MIPOL1: variants seen among roughly 807,000 people sequenced by gnomAD.
MIPOL1 encodes mirror-image polydactyly 1.
In MIPOL1, 57 loss-of-function variants were observed where a neutral mutation model predicts 60.9. The ratio of observed to expected loss-of-function variants is 0.94; its 90% CI spans 0.76 to 1.17. The LOEUF is 1.17. MIPOL1 is among the 50% of genes most tolerant of loss of function. The pLI, the probability that MIPOL1 is intolerant of heterozygous loss-of-function variation, is 0.00. For missense variants in MIPOL1, 551 were observed against 511.6 expected, an observed-to-expected ratio of 1.08 and a Z score of -0.74; for synonymous variants, 179 against 168.8, an observed-to-expected ratio of 1.06 and a Z score of -0.47.
chr14:37,446,442 G>C (rs1357993409), intron 11 of MIPOL1, among the ~76,000 whole-genome samples: 1 of 152,140 alleles, frequency 6.6e-6, no homozygotes, highest in African/African-American at 2.4e-5. Flanking sequence ...TGGAGAGGAT[G>C]TGGAGAAATA....
chr14:37,431,442 A>T (rs906963827), intron 11 of MIPOL1, among the ~76,000 whole-genome samples: 1 of 151,834 alleles, frequency 6.6e-6, no homozygotes, highest in African/African-American at 2.4e-5. Flanking sequence ...GATTCCTGAA[A>T]CTTTATTTTC....
At chr14:37,392,418 C>G (rs1049302309) in intron 10 of MIPOL1, among the ~76,000 whole-genome samples, 1 of 152,118 alleles carries the variant, frequency 6.6e-6, no homozygotes, top group African/African-American at 2.4e-5. Flanking sequence ...ACTAGTTTTA[C>G]AGTTGTTTTT....
rs1017256843 is a variant in MIPOL1, at chr14:37,551,015, A to G, written c.*4044A>G. 4 of 152,182 alleles carry G rather than the reference A, an allele frequency of 2.6e-5. No homozygotes were observed. The highest frequency in any genetic ancestry group is 5.9e-5 in the Non-Finnish European group (4 of 68,002). 9.4% of individuals were successfully genotyped at this position (152,182 alleles called of 1,614,324 possible). On this transcript the variant is annotated 3_prime_UTR_variant, in exon 13 of 13. Coordinates refer to ENST00000684589, the MANE Select transcript of MIPOL1 (RefSeq NM_001388067.1). ...ACTTCATAAATAGTATTTGACAATG[A>G]TAAATGTGTATTTTTGAGAATCATT... is the stretch of plus-strand genomic sequence containing the variant.
At chr14:37,463,776 A>C (rs1203407571) in intron 11 of MIPOL1, among the ~76,000 whole-genome samples, 1 of 152,216 alleles carries the variant, frequency 6.6e-6, no homozygotes, top group Non-Finnish European at 1.5e-5. Context: ...ATTAAACTAA[A>C]AAGCTTCTTG....
intron 9 of MIPOL1, among the ~76,000 whole-genome samples, chr14:37,338,373 G>A (rs1287970542): frequency 2.0e-5 from 3 of 150,638 alleles, no homozygotes; most frequent in African/African-American, 7.3e-5. Flanking sequence ...GCCTCCCAAA[G>A]TGCTGGGATT....
chr14:37,461,585 A>G (rs931444243), intron 11 of MIPOL1, among the ~76,000 whole-genome samples: 1 of 152,030 alleles, frequency 6.6e-6, no homozygotes, highest in African/African-American at 2.4e-5. Context: ...CAGTCCCCCA[A>G]ACAGTCTGCT....
At chr14:37,481,671 T>C (rs974435645) in intron 11 of MIPOL1, among the ~76,000 whole-genome samples, 1 of 146,542 alleles carries the variant, frequency 6.8e-6, no homozygotes, top group African/African-American at 2.6e-5. Flanking sequence ...GGAATCACAA[T>C]AGCTGATTTC....
intron 1 of MIPOL1, among the ~76,000 whole-genome samples, chr14:37,230,326 G>C (rs1970429618): frequency 6.6e-6 from 1 of 152,118 alleles, no homozygotes; most frequent in South Asian, 2.1e-4. Flanking sequence ...TTTATTAATA[G>C]GAAAAGGTCA....
At chr14:37,492,071 T>A (rs1325894008) in intron 11 of MIPOL1, among the ~76,000 whole-genome samples, 1 of 152,212 alleles carries the variant, frequency 6.6e-6, no homozygotes, top group East Asian at 1.9e-4. Context: ...GGTCTAGAAC[T>A]CCTTGTCTAA....
At chr14:37,476,029 C>G (rs1326140577) in intron 11 of MIPOL1, among the ~76,000 whole-genome samples, 2 of 152,178 alleles carry the variant, frequency 1.3e-5, no homozygotes, top group Non-Finnish European at 2.9e-5. Flanking sequence ...CTTAACAATA[C>G]TGAGTTATCT....
intron 1 of MIPOL1, among the ~76,000 whole-genome samples, chr14:37,211,498 C>A (rs1283945969): frequency 2.0e-5 from 3 of 152,122 alleles, no homozygotes; most frequent in Non-Finnish European, 4.4e-5. Context: ...AGCTGATGCC[C>A]ACCCACGGAG....
At chr14:37,515,546 T>C (rs1475994096) in intron 12 of MIPOL1, among the ~76,000 whole-genome samples, 1 of 152,232 alleles carries the variant, frequency 6.6e-6, no homozygotes, top group Admixed American at 6.5e-5. Context: ...TAAAAGCATA[T>C]GTTATATCTC....
intron 11 of MIPOL1, among the ~76,000 whole-genome samples, chr14:37,472,550 G>C (rs140316537): frequency 2.6e-5 from 4 of 152,192 alleles, no homozygotes; most frequent in African/African-American, 9.6e-5. Context: ...GTAGAATTAG[G>C]ATGAAAAATG....
At chr14:37,266,117 C>A (rs1190004336) in intron 3 of MIPOL1, among the ~76,000 whole-genome samples, 3 of 152,092 alleles carry the variant, frequency 2.0e-5, no homozygotes, top group Non-Finnish European at 2.9e-5. Context: ...TATTAGGAAG[C>A]TCTTATTGGG....
intron 7 of MIPOL1, among the ~76,000 whole-genome samples, chr14:37,287,104 A>G (rs2084636596): frequency 6.6e-6 from 1 of 152,114 alleles, no homozygotes; most frequent in Admixed American, 6.6e-5. Context: ...TTTAAGGCTC[A>G]GTTTTTTTGG....
chr14:37,427,324 G>T (rs1347320541), intron 11 of MIPOL1, among the ~76,000 whole-genome samples: 1 of 152,142 alleles, frequency 6.6e-6, no homozygotes, highest in Admixed American at 6.5e-5. Context: ...AAGAAAGAAA[G>T]ATTGTATGAT....
intron 11 of MIPOL1, among the ~76,000 whole-genome samples, chr14:37,430,435 G>GT (rs1192449997): frequency 3.3e-5 from 5 of 151,248 alleles, no homozygotes; most frequent in African/African-American, 7.3e-5. Flanking sequence ...TGGCTTCACT[G>GT]TTCAAGTCAC....
At chr14:37,329,366 T>C (rs1370518845) in intron 9 of MIPOL1, among the ~76,000 whole-genome samples, 1 of 152,218 alleles carries the variant, frequency 6.6e-6, no homozygotes, top group Non-Finnish European at 1.5e-5. Flanking sequence ...TTTACTTGCT[T>C]CCTGTAGATA....
intron 1 of MIPOL1, among the ~76,000 whole-genome samples, chr14:37,240,991 T>C (rs767233430): frequency 2.6e-5 from 4 of 151,906 alleles, no homozygotes; most frequent in Non-Finnish European, 5.9e-5. Flanking sequence ...AGAATTGACC[T>C]ATGTGATTGT....
Sources: gnomAD v4.1 joint callset for allele counts (sites outside exome capture counted in the v4.1 genomes callset) on GRCh38, gnomAD v4.1.1 for gene constraint, MANE v1.5 for transcripts, NCBI Gene and HGNC (gene_info 2026-07-23, HGNC 2026-07-21) for gene names.